Variants in NR6A1 observed in about 807,000 individuals in gnomAD.
NR6A1 encodes the protein nuclear receptor subfamily 6 group A member 1.
In NR6A1, 7 loss-of-function variants were observed where a neutral mutation model predicts 59.1. That is an observed-to-expected ratio of 0.12 (90% CI 0.07 to 0.22). The LOEUF (loss-of-function observed/expected upper bound fraction) is 0.22, where lower values mean the gene tolerates loss of function less well. NR6A1 is among the 10% of genes least tolerant of loss of function. The probability of loss-of-function intolerance (pLI) is 1.00; values close to 1 mark genes in which losing one functional copy is unlikely to be tolerated. For synonymous variants in NR6A1, 243 were observed against 236.1 expected, an observed-to-expected ratio of 1.03 and a Z score of -0.27; for missense variants, 468 against 611.6, an observed-to-expected ratio of 0.77 and a Z score of 2.48.
At chr9:124,606,838 C>A (rs569254021) in intron 2 of NR6A1, among the ~76,000 whole-genome samples, 1 of 152,320 alleles carries the variant, frequency 6.6e-6, no homozygotes, top group South Asian at 2.1e-4. Context: ...TCAATAGGAA[C>A]TTGATAAACT....
At chr9:124,759,453 G>C (rs371288657) in intron 1 of NR6A1, among the ~76,000 whole-genome samples, 1 of 152,112 alleles carries the variant, frequency 6.6e-6, no homozygotes, top group African/African-American at 2.4e-5. Context: ...CTTAGATATT[G>C]GCCCCAATTT....
At chr9:124,723,176 C>T (rs567140311) in intron 2 of NR6A1, among the ~76,000 whole-genome samples, 1 of 151,942 alleles carries the variant, frequency 6.6e-6, no homozygotes, top group South Asian at 2.1e-4. Flanking sequence ...TCTGAGTAAA[C>T]AGGAATCCAT....
rs193140179 is a variant in NR6A1, at chr9:124,518,226, C to T, written c.*4479G>A. ...CCAGAAGACGGATGCTAGATGGGAA[C>T]TGGGCTAGACAGAGGGACCAGGCTT... On this transcript the variant is annotated 3_prime_UTR_variant, in exon 10 of 10. Coordinates refer to ENST00000487099, the MANE Select transcript of NR6A1 (RefSeq NM_033334.4). 2 of 148,360 alleles carry T rather than the reference C, an allele frequency of 1.3e-5. No homozygotes were observed. The highest frequency in any genetic ancestry group is 1.4e-4 in the Admixed American group (2 of 14,678). 9.2% of individuals were successfully genotyped at this position (148,360 alleles called of 1,614,324 possible).
intron 1 of NR6A1, among the ~76,000 whole-genome samples, chr9:124,768,011 C>G (rs1408512536): frequency 6.6e-6 from 1 of 152,168 alleles, no homozygotes; most frequent in Non-Finnish European, 1.5e-5. Flanking sequence ...GTTATGAAAA[C>G]CTACAAGCAA....
chr9:124,577,191 G>A (rs1053021702), intron 2 of NR6A1, among the ~76,000 whole-genome samples: 1 of 152,174 alleles, frequency 6.6e-6, no homozygotes, highest in African/African-American at 2.4e-5. Flanking sequence ...TATTAGAGAG[G>A]TGAAAATACA....
At chr9:124,650,472 T>G (rs1050747096) in intron 2 of NR6A1, among the ~76,000 whole-genome samples, 7 of 152,122 alleles carry the variant, frequency 4.6e-5, no homozygotes. Flanking sequence ...GAGAGGTTGG[T>G]TAATAGGTAC....
intron 2 of NR6A1, among the ~76,000 whole-genome samples, chr9:124,626,589 A>G (rs2130870980): frequency 6.6e-6 from 1 of 152,358 alleles, no homozygotes; most frequent in Non-Finnish European, 1.5e-5. Context: ...ATATATTTCC[A>G]AAAGTCACTT....
intron 2 of NR6A1, among the ~76,000 whole-genome samples, chr9:124,708,309 C>G (rs1216254341): frequency 1.3e-5 from 2 of 152,226 alleles, no homozygotes; most frequent in African/African-American, 4.8e-5. Flanking sequence ...AACTACTGCA[C>G]TGTCAGGGCT....
intron 1 of NR6A1, among the ~76,000 whole-genome samples, chr9:124,769,799 C>G (rs900735325): frequency 6.6e-6 from 1 of 152,230 alleles, no homozygotes; most frequent in African/African-American, 2.4e-5. Context: ...CCGGTGCGAG[C>G]ACCCTTTGTA....
chr9:124,546,884 C>T (rs770111882), intron 3 of NR6A1, among the ~76,000 whole-genome samples: 14 of 152,188 alleles, frequency 9.2e-5, no homozygotes, highest in Admixed American at 2.0e-4. Flanking sequence ...TATTCTCCCA[C>T]GCATTTTTGA....
At chr9:124,546,037 C>T (rs1236002963) in intron 3 of NR6A1, among the ~76,000 whole-genome samples, 7 of 152,214 alleles carry the variant, frequency 4.6e-5, no homozygotes, top group African/African-American at 1.7e-4. Flanking sequence ...ATTGCTTGAA[C>T]CCGGGAGGTG....
intron 2 of NR6A1, among the ~76,000 whole-genome samples, chr9:124,601,577 CTG>C (rs1309862327): frequency 9.5e-6 from 1 of 105,728 alleles, no homozygotes; most frequent in Non-Finnish European, 1.8e-5. Context: ...GAGGGAGACT[CTG>C]TGTCAAAAAA....
chr9:124,580,898 A>G (rs1450623636), intron 2 of NR6A1, among the ~76,000 whole-genome samples: 1 of 152,144 alleles, frequency 6.6e-6, no homozygotes, highest in Non-Finnish European at 1.5e-5. Flanking sequence ...TACTACAGGG[A>G]TACAGTAACC....
At chr9:124,673,120 G>T (rs1024830201) in intron 2 of NR6A1, among the ~76,000 whole-genome samples, 1 of 152,160 alleles carries the variant, frequency 6.6e-6, no homozygotes, top group Admixed American at 6.6e-5. Context: ...CCAGGAGTTT[G>T]AGATCAGCCT....
At chr9:124,526,703 G>C in intron 8 of NR6A1, 76 bp downstream of exon 8, 1 of 1,585,030 alleles carries the variant, frequency 6.3e-7, no homozygotes, top group Non-Finnish European at 8.6e-7. Flanking sequence ...GGTAAGGAGG[G>C]GTGAAACAGG....
rs140159407 is a variant in NR6A1, at chr9:124,538,722, C to T, written c.597-403G>A. Among the ~76,000 whole-genome samples the T allele has an allele frequency of 5.5e-3, 838 of 152,166 alleles. 6 individuals carry two copies. Among genetic ancestry groups the T allele is most frequent in the African/African-American group, 0.019 (796 of 41,476 alleles). On this transcript the variant is annotated intron_variant, in intron 5 of 9. Coordinates refer to ENST00000487099, the MANE Select transcript of NR6A1 (RefSeq NM_033334.4). ...GACAGGCTAAGTCCTGGCTAGGCCACAAAACAAATCCAGCATCTAGCAAGG... is the reference window on the plus strand; with the variant it reads ...GACAGGCTAAGTCCTGGCTAGGCCATAAAACAAATCCAGCATCTAGCAAGG...
intron 2 of NR6A1, among the ~76,000 whole-genome samples, chr9:124,573,536 C>T (rs139542501): frequency 0.019 from 2,883 of 152,320 alleles, 40 homozygotes; most frequent in Non-Finnish European, 0.031. Flanking sequence ...CTCTTTCATG[C>T]AGTAACTATT....
At chr9:124,745,311 T>A (rs183152354) in intron 1 of NR6A1, among the ~76,000 whole-genome samples, 1 of 151,928 alleles carries the variant, frequency 6.6e-6, no homozygotes, top group Non-Finnish European at 1.5e-5. Context: ...TTAGTATAAC[T>A]AATTTTTCTT....
At chr9:124,744,967 T>A (rs1033996514) in intron 1 of NR6A1, among the ~76,000 whole-genome samples, 1 of 152,118 alleles carries the variant, frequency 6.6e-6, no homozygotes, top group African/African-American at 2.4e-5. Context: ...AATCTCCATA[T>A]AAAAAGGGAA....
Sources: gnomAD v4.1 joint callset for allele counts (sites outside exome capture counted in the v4.1 genomes callset) on GRCh38, gnomAD v4.1.1 for gene constraint, MANE v1.5 for transcripts, NCBI Gene and HGNC (gene_info 2026-07-23, HGNC 2026-07-21) for gene names.